DCC: variants seen among roughly 807,000 people sequenced by gnomAD.
DCC encodes the protein netrin receptor DCC.
A neutral mutation model predicts 172.5 loss-of-function variants in DCC; 58 were observed. That is an observed-to-expected ratio of 0.34 (90% CI 0.27 to 0.42). DCC has a LOEUF of 0.42. Among genes scored for constraint, DCC ranks in the 10% least tolerant of loss-of-function variants. The pLI is 1.00. For synonymous variants in DCC, 709 were observed against 644.5 expected (o/e 1.10, Z -1.52); for missense variants, 1,740 against 1,791.0 (o/e 0.97, Z 0.51).
At chr18:53,459,973 T>C (rs2045530995) in intron 24 of DCC, among the ~76,000 whole-genome samples, 1 of 147,664 alleles carries the variant, frequency 6.8e-6, no homozygotes, top group Non-Finnish European at 1.5e-5. Context: ...TCAACTGTCA[T>C]CCACATACAG....
intron 2 of DCC, among the ~76,000 whole-genome samples, chr18:52,790,577 A>T (rs1042221911): frequency 5.9e-5 from 9 of 151,674 alleles, no homozygotes; most frequent in African/African-American, 1.2e-4. Context: ...AGAACATTAT[A>T]AAAAAAGATA....
Position 52,925,129 on chromosome 18 carries a change from C to T in DCC, c.849-105C>T. On this transcript the variant is annotated intron_variant, in intron 4 of 28. Transcript: ENST00000442544. Reference sequence around the variant, plus strand: ...AGCCCTTATGATACACAGTTTCTTTCAAGTGTCTTAATTTGAGCTTTGGTG... The same window carrying T: ...AGCCCTTATGATACACAGTTTCTTTTAAGTGTCTTAATTTGAGCTTTGGTG... The T allele has an allele frequency of 2.6e-6, 3 of 1,141,690 alleles. No homozygotes were observed. The East Asian group carries it at 7.1e-5, about 27-fold the overall frequency. 70.7% of individuals were successfully genotyped at this position (1,141,690 alleles called of 1,614,324 possible).
In DCC at chr18:52,911,815, A is replaced by G. The variant is rs190460162; in HGVS notation, c.697+5487A>G. On this transcript the variant is annotated intron_variant, in intron 3 of 28. Coordinates refer to ENST00000442544, the MANE Select transcript of DCC (RefSeq NM_005215.4). ...TTTGAAGAAAACTTTCTCTTATACCAGGGTATAAACAGGGTGCACTTAGCC... is the reference window on the plus strand; with the variant it reads ...TTTGAAGAAAACTTTCTCTTATACCGGGGTATAAACAGGGTGCACTTAGCC... 2.1e-3 allele frequency among the ~76,000 whole-genome samples: 316 copies of G among 151,966 alleles called. 7 individuals carry two copies. The highest frequency in any genetic ancestry group is 0.019 in the Admixed American group (286 of 15,236).
intron 1 of DCC, among the ~76,000 whole-genome samples, chr18:52,437,906 T>C (rs1336299016): frequency 1.3e-5 from 2 of 152,324 alleles, no homozygotes; most frequent in Non-Finnish European, 2.9e-5. Context: ...TAAGAGGTTA[T>C]CTATTTCGAT....
chr18:53,243,016 T>C (rs1415373367), intron 12 of DCC, among the ~76,000 whole-genome samples: 1 of 152,048 alleles, frequency 6.6e-6, no homozygotes, highest in African/African-American at 2.4e-5. Flanking sequence ...GCTATAAAAG[T>C]TGTCTGATTA....
At chr18:52,598,052 A>T (rs1598943928) in intron 1 of DCC, among the ~76,000 whole-genome samples, 1 of 152,170 alleles carries the variant, frequency 6.6e-6, no homozygotes, top group Admixed American at 6.5e-5. Context: ...AAATGTGTAC[A>T]CTTTGGAGTC....
intron 14 of DCC, among the ~76,000 whole-genome samples, chr18:53,335,898 C>T (rs377491692): frequency 1.3e-5 from 2 of 152,016 alleles, no homozygotes; most frequent in African/African-American, 2.4e-5. Context: ...GGGAAAGTCC[C>T]CTTTATAAAA....
chr18:52,622,748 A>C (rs940713907), intron 1 of DCC, among the ~76,000 whole-genome samples: 1 of 152,204 alleles, frequency 6.6e-6, no homozygotes, highest in Admixed American at 6.5e-5. Context: ...CATGGCTGGC[A>C]CCAGCCTGGT....
chr18:52,980,381 A>G (rs999627766), intron 5 of DCC, among the ~76,000 whole-genome samples: 7 of 152,186 alleles, frequency 4.6e-5, no homozygotes, highest in African/African-American at 1.7e-4. Context: ...AAACCATCAC[A>G]AAGTCCTGTT....
chr18:53,349,169 G>A lies in DCC; in HGVS notation c.2359+9262G>A, dbSNP rs139288500. Reference sequence around the variant, plus strand: ...TGCTGCTGAGAAATTTATTCCGCTAGATACCCCAAATCATCTCCCTCAAGT... The same window carrying A: ...TGCTGCTGAGAAATTTATTCCGCTAAATACCCCAAATCATCTCCCTCAAGT... On this transcript the variant is annotated intron_variant, in intron 15 of 28. Coordinates refer to ENST00000442544, the MANE Select transcript of DCC (RefSeq NM_005215.4). Among the ~76,000 whole-genome samples, 21 of 152,256 alleles carry A rather than the reference G, an allele frequency of 1.4e-4. 1 individual carries two copies. Among genetic ancestry groups the A allele is most frequent in the Middle Eastern group, 3.4e-3 (1 of 294 alleles).
chr18:53,451,729 C>CCA (rs2045416332), intron 23 of DCC, among the ~76,000 whole-genome samples: 5 of 151,924 alleles, frequency 3.3e-5, no homozygotes, highest in Non-Finnish European at 5.9e-5. Context: ...CTCTCTCTCT[C>CCA]TCTCCATCTC....
At chr18:52,648,472 A>G (rs1284672166) in intron 1 of DCC, among the ~76,000 whole-genome samples, 1 of 152,188 alleles carries the variant, frequency 6.6e-6, no homozygotes, top group Non-Finnish European at 1.5e-5. Flanking sequence ...CTATGTGTGG[A>G]AGCAGACCGA....
intron 1 of DCC, among the ~76,000 whole-genome samples, chr18:52,479,574 C>T (rs1162694335): frequency 2.6e-5 from 1 of 38,394 alleles, no homozygotes; most frequent in East Asian, 7.7e-4. Context: ...CTCCCTACCT[C>T]CCTCCACCCC....
At chr18:52,402,250 T>C (rs1378220040) in intron 1 of DCC, among the ~76,000 whole-genome samples, 1 of 152,022 alleles carries the variant, frequency 6.6e-6, no homozygotes, top group Non-Finnish European at 1.5e-5. Context: ...GATAACTCAC[T>C]CTCTGATCGA....
intron 1 of DCC, among the ~76,000 whole-genome samples, chr18:52,429,951 C>A (rs1987566597): frequency 6.6e-6 from 1 of 151,966 alleles, no homozygotes; most frequent in African/African-American, 2.4e-5. Context: ...GGAGGATCAA[C>A]AGGATTTGAG....
intron 2 of DCC, among the ~76,000 whole-genome samples, chr18:52,851,860 T>G (rs754189170): frequency 2.6e-5 from 4 of 152,162 alleles, no homozygotes; most frequent in Admixed American, 1.3e-4. Context: ...CAACCTTTAC[T>G]GCAATTATGA....
intron 12 of DCC, among the ~76,000 whole-genome samples, chr18:53,255,736 G>A (rs2056502038): frequency 6.6e-6 from 1 of 152,110 alleles, no homozygotes. Flanking sequence ...CCAGTAACGG[G>A]ATGGCTGAGT....
At chr18:53,427,831 G>T (rs1321364904) in intron 21 of DCC, among the ~76,000 whole-genome samples, 4 of 100,274 alleles carry the variant, frequency 4.0e-5, no homozygotes, top group Admixed American at 1.0e-4. Context: ...ATTAATATAT[G>T]ATATATAATA....
intron 25 of DCC, among the ~76,000 whole-genome samples, chr18:53,473,418 AAT>A (rs1568155024): frequency 6.6e-6 from 1 of 152,226 alleles, no homozygotes; most frequent in African/African-American, 2.4e-5. Context: ...GTAACACATC[AAT>A]GTTTGGAGAG....
Sources: gnomAD v4.1 joint callset for allele counts (sites outside exome capture counted in the v4.1 genomes callset) on GRCh38, gnomAD v4.1.1 for gene constraint, MANE v1.5 for transcripts, NCBI Gene and HGNC (gene_info 2026-07-23, HGNC 2026-07-21) for gene names.